Variants in CR1 observed in about 807,000 individuals in gnomAD.
CR1 encodes complement receptor type 1.
In CR1, 116 loss-of-function variants were observed where a neutral mutation model predicts 187.3. The observed-to-expected ratio is 0.62, with a 90% CI of 0.53 to 0.72. CR1 has a LOEUF of 0.72. CR1 is among the 30% of genes least tolerant of loss of function. The pLI, the probability that CR1 is intolerant of heterozygous loss-of-function variation, is 0.00. For missense variants in CR1, 1,731 were observed against 2,110.7 expected, an observed-to-expected ratio of 0.82 and a Z score of 3.52; for synonymous variants, 576 against 747.1, an observed-to-expected ratio of 0.77 and a Z score of 3.73.
At chr1:207,617,695 T>C (rs55827223) in intron 41 of CR1, among the ~76,000 whole-genome samples, 2 of 47,318 alleles carry the variant, frequency 4.2e-5, no homozygotes, top group Non-Finnish European at 9.1e-5. Flanking sequence ...CTCATTCCTT[T>C]GATATATTAG....
Position 207,639,405 on chromosome 1 carries a change from C to T in CR1, c.7466C>T (p.Pro2489Leu). Residue 2489 changes from proline (P) to leucine (L), a missense_variant, in exon 47 of 47, where the codon CCT becomes CTT. Physicochemically the swap from Pro to Leu is moderately conservative, Grantham distance 98. Coordinates refer to ENST00000367049, the MANE Select transcript of CR1 (RefSeq NM_000651.6). ...QTNEENSRVL[P>L] is the part of the protein sequence containing the mutation. ...ACATCCTGTTATTTCAGGGTCCTTC[C>T]TTGACAAAGTACTATACAGCTGAAG... 6.3e-7 allele frequency: 1 copy of T among 1,599,010 alleles called. No homozygotes were observed. Among genetic ancestry groups the T allele is most frequent in the Non-Finnish European group, 8.5e-7 (1 of 1,171,830 alleles).
intron 46 of CR1, among the ~76,000 whole-genome samples, chr1:207,638,176 T>A (rs1265399757): frequency 1.3e-5 from 2 of 152,250 alleles, no homozygotes; most frequent in Non-Finnish European, 2.9e-5. Flanking sequence ...ATGGCCTGTC[T>A]GTGGGAATTA....
chr1:207,509,026 A>G (rs1398131957), intron 3 of CR1, among the ~76,000 whole-genome samples: 1 of 152,174 alleles, frequency 6.6e-6, no homozygotes, highest in African/African-American at 2.4e-5. Flanking sequence ...CTATCCTTAA[A>G]TATATTTTCT....
intron 32 of CR1, among the ~76,000 whole-genome samples, chr1:207,584,355 G>T (rs913993610): frequency 6.6e-6 from 1 of 152,104 alleles, no homozygotes; most frequent in African/African-American, 2.4e-5. Flanking sequence ...TGACTGTGAA[G>T]ATTTTTATTT....
chr1:207,584,650 T>A lies in CR1; in HGVS notation c.5304T>A (p.His1768Gln), dbSNP rs1262784286. 3 of 1,613,134 alleles carry A rather than the reference T, an allele frequency of 1.9e-6. No individual in the cohort carries two copies. The highest frequency in any genetic ancestry group is 1.1e-5 in the South Asian group (1 of 91,030). Residue 1768 changes from histidine (H) to glutamine (Q), a missense_variant and splice_region_variant, in exon 33 of 47, where the codon CAT becomes CAA. His to Gln is a conservative substitution (Grantham distance 24). Around this residue, in one of 5 missense-constraint regions of CR1, gnomAD observed 1,312 missense variants for 1,379.6 expected, o/e 0.95. Coordinates refer to ENST00000367049, the MANE Select transcript of CR1 (RefSeq NM_000651.6). ...LWNNSVPVCE[H>Q]IFCPNPPAIL... is the part of the protein sequence containing the mutation. ...TGAGAGCTCTTGTTTTCTTTCTAGA[T>A]ATCTTTTGTCCAAATCCTCCAGCTA...
chr1:207,603,688 C>G (rs1269814389), intron 35 of CR1, among the ~76,000 whole-genome samples: 3 of 151,958 alleles, frequency 2.0e-5, no homozygotes, highest in African/African-American at 7.3e-5. Context: ...TATAATTATT[C>G]TAATTATTAT....
chr1:207,600,793 T>A (rs1661580999), intron 35 of CR1: 1 of 152,176 alleles, frequency 6.6e-6, no homozygotes, highest in South Asian at 2.1e-4. Context: ...GTTAACTAAT[T>A]TGTCCAAATT....
chr1:207,513,599 C>A (rs149959269), intron 4 of CR1, among the ~76,000 whole-genome samples: 3 of 152,214 alleles, frequency 2.0e-5, no homozygotes, highest in Admixed American at 6.5e-5. Flanking sequence ...TAGTCCAGAA[C>A]CGTACAGAGA....
At chr1:207,598,827 G>A (rs1279409282) in intron 35 of CR1, 1 of 152,232 alleles carries the variant, frequency 6.6e-6, no homozygotes, top group African/African-American at 2.4e-5. Context: ...ACAGAGCTCT[G>A]TAACACATGT....
chr1:207,621,845 T>C, intron 43 of CR1, 128 bp from the exon 44 acceptor site: 1 of 602,960 alleles, frequency 1.7e-6, no homozygotes, highest in Non-Finnish European at 2.7e-6. Flanking sequence ...CCAATGGCTT[T>C]TTGCATTAGA....
At chr1:207,600,100 T>G (rs369507364) in intron 35 of CR1, among the ~76,000 whole-genome samples, 1 of 152,156 alleles carries the variant, frequency 6.6e-6, no homozygotes, top group African/African-American at 2.4e-5. Context: ...AAAATAGCCC[T>G]AGACAAATGA....
chr1:207,619,091 A>T (rs1298684169), intron 42 of CR1, among the ~76,000 whole-genome samples: 1 of 150,652 alleles, frequency 6.6e-6, no homozygotes, highest in East Asian at 1.9e-4. Context: ...AGAAAGATGT[A>T]TTAAATTCAG....
intron 45 of CR1, among the ~76,000 whole-genome samples, chr1:207,628,036 T>A (rs1470693053): frequency 3.3e-5 from 5 of 152,176 alleles, no homozygotes; most frequent in Non-Finnish European, 4.4e-5. Flanking sequence ...ATCCTATAAA[T>A]TTTCAACATA....
chr1:207,584,508 A>G (rs1482207316), intron 32 of CR1, 141 bp from the exon 33 acceptor site: 12 of 1,030,036 alleles, frequency 1.2e-5, no homozygotes, highest in Non-Finnish European at 1.7e-5. Flanking sequence ...GGCCTAATAC[A>G]TTTATTTTGC....
At chr1:207,624,115 AG>A (rs1200809237) in intron 45 of CR1, among the ~76,000 whole-genome samples, 2 of 151,700 alleles carry the variant, frequency 1.3e-5, no homozygotes, top group Non-Finnish European at 2.9e-5. Flanking sequence ...TAGTACAGAA[AG>A]GGTTTTGCCA....
At chr1:207,499,188 C>T (rs114715994) in intron 1 of CR1, among the ~76,000 whole-genome samples, 1,628 of 152,196 alleles carry the variant, frequency 0.011, 23 homozygotes, top group African/African-American at 0.036. Context: ...TAATGCTAGT[C>T]ACAGAAAGCA....
rs760817208 is a variant in CR1, at chr1:207,584,782, C to T, written c.5436C>T (p.Leu1812=). The change falls in exon 33 of 47, where the codon CTC becomes CTT. Residue 1812 remains leucine, a synonymous_variant. Coordinates refer to ENST00000367049, the MANE Select transcript of CR1 (RefSeq NM_000651.6). The part of the protein sequence containing the change: ...PHPDRGMTFN[L]IGESTIRCTS... ...CAGACAGAGGGATGACCTTCAACCT[C>T]ATTGGGGAGAGCACCATCCGCTGCA... is the stretch of plus-strand genomic sequence containing the variant. The T allele has an allele frequency of 3.7e-6, 6 of 1,613,864 alleles. No homozygotes were observed. The highest frequency in any genetic ancestry group is 2.7e-5 in the African/African-American group (2 of 74,906).
In CR1 at chr1:207,611,615, A is replaced by G; in HGVS notation, c.6296-62A>G. On this transcript the variant is annotated intron_variant, in intron 37 of 46. Transcript: ENST00000367049. ...GATTTTTAAGCCCTCTGGTAAGCAT[A>G]AGATATAACAAAGGAAATTGCCCCA... is the stretch of plus-strand genomic sequence containing the variant. 3 of 1,592,918 alleles carry G rather than the reference A, an allele frequency of 1.9e-6. No homozygotes were observed. In the South Asian group the frequency reaches 3.4e-5, roughly 18 times the overall value.
At chr1:207,584,517 G>A in intron 32 of CR1, 132 bp from the exon 33 acceptor site, 2 of 1,089,522 alleles carry the variant, frequency 1.8e-6, no homozygotes, top group Non-Finnish European at 1.3e-6. Flanking sequence ...CATTTATTTT[G>A]CAGTTTCTAC....
Sources: gnomAD v4.1 joint callset for allele counts (sites outside exome capture counted in the v4.1 genomes callset) on GRCh38, gnomAD v4.1.1 for gene constraint, gnomAD v4.1.1 regional missense constraint, MANE v1.5 for transcripts, NCBI Gene and HGNC (gene_info 2026-07-23, HGNC 2026-07-21) for gene names.